The following R3HDM1 variants were observed in gnomAD, a reference collection of about 807,000 sequenced individuals.
R3HDM1 encodes R3H domain containing 1.
R3HDM1 carries 46 observed loss-of-function variants against 141.1 expected under a neutral mutation model. That is an observed-to-expected ratio of 0.33 (90% CI 0.26 to 0.42). The LOEUF (loss-of-function observed/expected upper bound fraction) is 0.42. R3HDM1 is among the 10% of genes least tolerant of loss of function. The pLI is 1.00. For synonymous variants in R3HDM1, 435 were observed against 472.9 expected (o/e 0.92, Z 1.04); for missense variants, 1,184 against 1,368.3 (o/e 0.87, Z 2.12).
At chr2:135,675,265 A>T (rs1483831209) in intron 19 of R3HDM1, 67 bp from the exon 20 acceptor site, 4 of 1,425,610 alleles carry the variant, frequency 2.8e-6, no homozygotes, top group Non-Finnish European at 3.8e-6. Context: ...ACTCGCTTAA[A>T]TTTTTTTTTA....
intron 1 of R3HDM1, among the ~76,000 whole-genome samples, chr2:135,565,321 AAATTATTAT>A (rs1206108217): frequency 4.4e-5 from 6 of 136,076 alleles, no homozygotes; most frequent in African/African-American, 1.8e-4. Flanking sequence ...CAATGAAAAA[AAATTATTAT>A]TATTATTATT....
chr2:135,710,433 C>G (rs2075487713), intron 23 of R3HDM1, among the ~76,000 whole-genome samples: 1 of 152,176 alleles, frequency 6.6e-6, no homozygotes, highest in Non-Finnish European at 1.5e-5. Context: ...GCCTGACCAA[C>G]ATGGTGAAAT....
In R3HDM1 at chr2:135,724,082, C is replaced by T; in HGVS notation, c.3195C>T (p.Leu1065=). ...AGTCCCAACCACGTCGTCACCCCCT[C>T]TGCTGTGGCAGTGGGGACAACACTG... ...DPQSQPRRHP[L]CCGSGDNTAN... Residue 1065 remains leucine, a synonymous_variant, in exon 27 of 27, where the codon CTC becomes CTT. Coordinates refer to ENST00000683871, the MANE Select transcript of R3HDM1 (RefSeq NM_001378107.1). 6.2e-7 allele frequency: 1 copy of T among 1,614,178 alleles called. No individual in the cohort carries two copies. The highest frequency in any genetic ancestry group is 8.5e-7 in the Non-Finnish European group (1 of 1,180,032).
rs1048053895 is a variant in R3HDM1, at chr2:135,586,778, A to G, written c.-249-15722A>G. 72 of 985,108 alleles carry G rather than the reference A, an allele frequency of 7.3e-5. No homozygotes were observed. The African/African-American group carries it at 1.2e-3, about 17-fold the overall frequency. The allele number at this position is 985,108 out of a possible 1,614,324, so 61.0% of individuals were successfully genotyped here. A position where few individuals can be genotyped will look rare whatever the true frequency, so the allele number is the denominator to read the frequency against. On this transcript the variant is annotated intron_variant, in intron 1 of 26. Transcript: ENST00000683871. ...ACATGTTTGATATTTCTTGTAACTT[A>G]CTGATAGAATGGTTTACCTGTGTGC...
chr2:135,640,042 T>A (rs552292183), intron 14 of R3HDM1, among the ~76,000 whole-genome samples: 37 of 148,474 alleles, frequency 2.5e-4, no homozygotes, highest in Middle Eastern at 3.5e-3. Context: ...GAGGCTGCAG[T>A]GAGCCGAGAT....
chr2:135,672,182 C>G (rs772812028), intron 19 of R3HDM1, among the ~76,000 whole-genome samples: 1 of 152,128 alleles, frequency 6.6e-6, no homozygotes, highest in Non-Finnish European at 1.5e-5. Context: ...AAACTCAATC[C>G]TAGCTTATTT....
chr2:135,707,845 A>C (rs2075131439), intron 21 of R3HDM1, among the ~76,000 whole-genome samples: 1 of 152,218 alleles, frequency 6.6e-6, no homozygotes, highest in Admixed American at 6.5e-5. Flanking sequence ...GTTTTCACTT[A>C]TGATCCAAAA....
intron 15 of R3HDM1, among the ~76,000 whole-genome samples, chr2:135,644,224 C>T (rs907403348): frequency 1.3e-5 from 2 of 152,072 alleles, no homozygotes; most frequent in Admixed American, 6.6e-5. Context: ...GTAGAGAAGC[C>T]AGGTGCAGTG....
chr2:135,710,785 T>C (rs747696355), intron 23 of R3HDM1, among the ~76,000 whole-genome samples: 3 of 152,254 alleles, frequency 2.0e-5, no homozygotes, highest in Non-Finnish European at 4.4e-5. Flanking sequence ...TAAGCATTTA[T>C]CCTACCTTTC....
In R3HDM1 at chr2:135,651,154, A is replaced by C. The variant is rs1238406892; in HGVS notation, c.1726-576A>C. 3 of 985,314 alleles carry C rather than the reference A, an allele frequency of 3.0e-6. No individual in the cohort carries two copies. The African/African-American group carries it at 5.2e-5, about 17-fold the overall frequency. 61.0% of individuals were successfully genotyped at this position (985,314 alleles called of 1,614,324 possible). A position where few individuals can be genotyped will look rare whatever the true frequency, so the allele number is the denominator to read the frequency against. The stretch of plus-strand genomic sequence containing the variant: ...TGACTTCCAGAACAGATTGAAAAAC[A>C]CAAGGGAAGAATGGAATGTATGGCC... On this transcript the variant is annotated intron_variant, in intron 17 of 26. Transcript: ENST00000683871.
chr2:135,709,478 A>G lies in R3HDM1; in HGVS notation c.2505A>G (p.Gln835=), dbSNP rs761061307. Residue 835 remains glutamine, a synonymous_variant, in exon 22 of 27, where the codon CAA becomes CAG. Coordinates refer to ENST00000683871, the MANE Select transcript of R3HDM1 (RefSeq NM_001378107.1). ...YLQHPGSEQV[Q]FPRTTSPCSS... is the part of the protein sequence containing the mutation. ...AACATCCAGGATCAGAACAAGTACA[A>G]TTTCCTCGAACCACTTCACCATGCA... 7.4e-6 allele frequency: 12 copies of G among 1,614,014 alleles called. No individual in the cohort carries two copies. Among genetic ancestry groups the G allele is most frequent in the South Asian group, 6.6e-5 (6 of 91,082 alleles).
At chr2:135,711,350 T>G (rs2075602829) in intron 23 of R3HDM1, among the ~76,000 whole-genome samples, 1 of 152,214 alleles carries the variant, frequency 6.6e-6, no homozygotes, top group Non-Finnish European at 1.5e-5. Flanking sequence ...GTATGGATCT[T>G]ATTTGGATAT....
At chr2:135,567,529 G>T (rs542692815) in intron 1 of R3HDM1, among the ~76,000 whole-genome samples, 1 of 152,214 alleles carries the variant, frequency 6.6e-6, no homozygotes, top group South Asian at 2.1e-4. Flanking sequence ...TCACCTGTTC[G>T]CCTCTAGAGC....
chr2:135,533,988 G>A (rs1574322369), intron 1 of R3HDM1: 1 of 984,992 alleles, frequency 1.0e-6, no homozygotes, highest in African/African-American at 1.7e-5. Flanking sequence ...TTAGAGAATG[G>A]GTTTGTTGTT....
intron 1 of R3HDM1, among the ~76,000 whole-genome samples, chr2:135,573,560 A>G (rs1260538661): frequency 6.6e-6 from 1 of 151,888 alleles, no homozygotes; most frequent in African/African-American, 2.4e-5. Flanking sequence ...TTCCAAATAG[A>G]ATAAGAGTAG....
At chr2:135,566,732 T>C (rs1317137565) in intron 1 of R3HDM1, 1 of 985,150 alleles carries the variant, frequency 1.0e-6, no homozygotes, top group Non-Finnish European at 1.2e-6. Flanking sequence ...TTTGGATGGT[T>C]CTAGGGAAGG....
At chr2:135,628,251 A>G (rs1466115640) in intron 7 of R3HDM1, among the ~76,000 whole-genome samples, 1 of 152,238 alleles carries the variant, frequency 6.6e-6, no homozygotes, top group African/African-American at 2.4e-5. Flanking sequence ...AAGCTTGGAT[A>G]AGCTACAATG....
intron 1 of R3HDM1, among the ~76,000 whole-genome samples, chr2:135,574,879 A>G (rs1020931655): frequency 6.6e-6 from 1 of 152,318 alleles, no homozygotes; most frequent in East Asian, 1.9e-4. Flanking sequence ...AATGGGAAAT[A>G]CTAGAAGTAT....
intron 1 of R3HDM1, among the ~76,000 whole-genome samples, chr2:135,543,860 A>G (rs1190573755): frequency 5.3e-5 from 8 of 152,250 alleles, no homozygotes; most frequent in Non-Finnish European, 1.0e-4. Flanking sequence ...GGAGGACCTC[A>G]TGAACTTTTT....
Sources: gnomAD v4.1 joint callset for allele counts (sites outside exome capture counted in the v4.1 genomes callset) on GRCh38, gnomAD v4.1.1 for gene constraint, MANE v1.5 for transcripts, NCBI Gene and HGNC (gene_info 2026-07-23, HGNC 2026-07-21) for gene names.